Variants in ERC1 observed in about 807,000 individuals in gnomAD.
ERC1 encodes RAB6 interacting protein 2.
Under a neutral mutation model 132.0 loss-of-function variants are expected in ERC1, and 56 were observed. The observed-to-expected ratio is 0.42, with a 90% CI of 0.34 to 0.53. ERC1 has a LOEUF of 0.53. Ranked by LOEUF, ERC1 falls within the 20% of genes least tolerant of loss-of-function variation. ERC1 has a pLI of 0.03. For missense variants in ERC1, 1,202 were observed against 1,349.9 expected (o/e 0.89, Z 1.72); for synonymous variants, 478 against 476.1 (o/e 1.00, Z -0.05).
chr12:1,094,690 G>A (rs921351090), intron 3 of ERC1, among the ~76,000 whole-genome samples: 1 of 152,126 alleles, frequency 6.6e-6, no homozygotes, highest in African/African-American at 2.4e-5. Context: ...GATTACGGAC[G>A]TGAGCCACCG....
chr12:1,179,500 C>CTTTTT (rs58317880), intron 8 of ERC1, among the ~76,000 whole-genome samples: 75 of 95,740 alleles, frequency 7.8e-4, no homozygotes, highest in South Asian at 1.7e-3. Flanking sequence ...ATTCATTTTT[C>CTTTTT]TTTTTTTTTT....
At chr12:1,236,337 G>A (rs1203313759) in intron 12 of ERC1, among the ~76,000 whole-genome samples, 1 of 152,108 alleles carries the variant, frequency 6.6e-6, no homozygotes, top group Non-Finnish European at 1.5e-5. Context: ...ATTATATACA[G>A]TGTATTGAAT....
rs1194965147 is a variant in ERC1 at position 1,371,870 on chromosome 12, G to T, written c.2818G>T (p.Ala940Ser). Residue 940 changes from alanine (A) to serine (S), a missense_variant, in exon 16 of 19, where the codon GCC (alanine) becomes TCC (serine). By Grantham distance (99) the Ala-to-Ser change is moderately conservative (BLOSUM62 1). Coordinates refer to ENST00000360905, the MANE Select transcript of ERC1 (RefSeq NM_178040.4). ...TCTGGCTGCCATTAGTGAAAAAGAC[G>T]CCAATATAGCTCTCTTGGAGCTTTC... ...ALLAAISEKD[A>S]NIALLELSSS... is the part of the protein sequence containing the mutation. 6.2e-7 allele frequency: 1 copy of T among 1,613,944 alleles called. No individual in the cohort carries two copies. Among genetic ancestry groups the T allele is most frequent in the Admixed American group, 1.7e-5 (1 of 60,014 alleles).
intron 15 of ERC1, among the ~76,000 whole-genome samples, chr12:1,312,941 A>G (rs180925475): frequency 3.3e-5 from 5 of 152,272 alleles, no homozygotes; most frequent in Admixed American, 2.6e-4. Flanking sequence ...TTGGCAGGTT[A>G]CAGCAGTATC....
intron 14 of ERC1, among the ~76,000 whole-genome samples, chr12:1,268,531 C>T (rs535027944): frequency 3.0e-4 from 46 of 152,274 alleles, no homozygotes; most frequent in African/African-American, 1.1e-3. Context: ...GCTTTAGGAA[C>T]AGAGGAAGAG....
intron 7 of ERC1, among the ~76,000 whole-genome samples, chr12:1,125,537 C>T (rs113230089): frequency 3.3e-5 from 5 of 152,158 alleles, no homozygotes; most frequent in African/African-American, 9.6e-5. Context: ...AGCAGTCGGC[C>T]GGGCACGGTG....
At chr12:1,476,601 G>A (rs1276503861) in intron 18 of ERC1, among the ~76,000 whole-genome samples, 1 of 152,152 alleles carries the variant, frequency 6.6e-6, no homozygotes, top group Admixed American at 6.5e-5. Flanking sequence ...GTCATACTGG[G>A]AAGGTTGGGA....
intron 7 of ERC1, among the ~76,000 whole-genome samples, chr12:1,132,077 G>A (rs1466941680): frequency 2.0e-5 from 3 of 152,246 alleles, no homozygotes; most frequent in Middle Eastern, 3.4e-3. Flanking sequence ...TGGACCTCAC[G>A]CAAAATTATA....
intron 17 of ERC1, among the ~76,000 whole-genome samples, chr12:1,424,657 T>C (rs2092549858): frequency 1.3e-5 from 2 of 152,202 alleles, no homozygotes; most frequent in African/African-American, 4.8e-5. Flanking sequence ...CCTTTTCCTC[T>C]TGTTTCTTCA....
intron 18 of ERC1, among the ~76,000 whole-genome samples, chr12:1,466,724 A>G (rs992763319): frequency 3.9e-5 from 6 of 152,186 alleles, no homozygotes; most frequent in African/African-American, 1.4e-4. Context: ...ACTTCAATAA[A>G]GAATGCTGTA....
At chr12:1,488,547 G>A (rs10848492) in intron 18 of ERC1, among the ~76,000 whole-genome samples, 76,879 of 151,756 alleles carry the variant, frequency 0.51, 21,404 homozygotes, top group Middle Eastern at 0.65. Context: ...TTAAAACATT[G>A]GCCTGACATG....
At chr12:1,410,777 A>T (rs1488622679) in intron 17 of ERC1, among the ~76,000 whole-genome samples, 2 of 151,344 alleles carry the variant, frequency 1.3e-5, no homozygotes, top group Non-Finnish European at 1.5e-5. Flanking sequence ...TTCTAGGGTG[A>T]TTTTACAGTG....
At chr12:1,234,069 T>C (rs2075253395) in intron 12 of ERC1, among the ~76,000 whole-genome samples, 1 of 152,198 alleles carries the variant, frequency 6.6e-6, no homozygotes, top group South Asian at 2.1e-4. Flanking sequence ...AAACGTATAA[T>C]GTACATAGAA....
At chr12:1,282,043 TA>T (rs892778567) in intron 14 of ERC1, among the ~76,000 whole-genome samples, 1 of 152,082 alleles carries the variant, frequency 6.6e-6, no homozygotes, top group African/African-American at 2.4e-5. Context: ...TTTTTTTAAA[TA>T]AAAGGAAAAT....
intron 18 of ERC1, among the ~76,000 whole-genome samples, chr12:1,456,344 G>A (rs900624839): frequency 1.3e-5 from 2 of 152,116 alleles, no homozygotes; most frequent in Non-Finnish European, 2.9e-5. Flanking sequence ...TTGGTTTGCA[G>A]GTATTTTTTG....
At chr12:1,029,744 C>CTTTTTTTTTT (rs747890124) in intron 2 of ERC1, among the ~76,000 whole-genome samples, 1 of 114,236 alleles carries the variant, frequency 8.8e-6, no homozygotes, top group Non-Finnish European at 1.7e-5. Flanking sequence ...GTTAAACATA[C>CTTTTTTTTTT]TTTTTTTTTT....
intron 3 of ERC1, 58 bp from the exon 4 acceptor site, chr12:1,104,692 T>C: frequency 1.6e-6 from 2 of 1,259,280 alleles, no homozygotes; most frequent in Non-Finnish European, 2.3e-6. Context: ...CACTCCTCTT[T>C]GAAAAAAATG....
intron 7 of ERC1, among the ~76,000 whole-genome samples, chr12:1,121,723 ATCTC>A (rs1398432182): frequency 1.7e-4 from 1 of 5,876 alleles, no homozygotes. Context: ...CTCTATCTCT[ATCTC>A]TATCTCTATC....
intron 3 of ERC1, among the ~76,000 whole-genome samples, chr12:1,102,439 T>C (rs1944768378): frequency 6.6e-6 from 1 of 152,218 alleles, no homozygotes; most frequent in Admixed American, 6.5e-5. Flanking sequence ...CTATTGCTAA[T>C]ACAATGGGGT....
Sources: allele counts gnomAD v4.1 joint callset (sites outside exome capture counted in the v4.1 genomes callset), GRCh38; gene constraint gnomAD v4.1.1; transcripts MANE v1.5; gene names NCBI Gene and HGNC (gene_info 2026-07-23, HGNC 2026-07-21).